ASCC3: variants seen among roughly 807,000 people sequenced by gnomAD.
ASCC3 encodes ASC-1 complex subunit P200.
In ASCC3, 158 loss-of-function variants were observed where a neutral mutation model predicts 256.3. The observed-to-expected ratio is 0.62, with a 90% CI of 0.54 to 0.70. The LOEUF (loss-of-function observed/expected upper bound fraction) is 0.70, where lower values mean the gene tolerates loss of function less well. ASCC3 is among the 30% of genes least tolerant of loss of function. ASCC3 has a pLI of 0.00. For missense variants in ASCC3, 2,259 were observed against 2,626.0 expected (o/e 0.86, Z 3.05); for synonymous variants, 948 against 883.4 (o/e 1.07, Z -1.30).
At chr6:100,531,362 G>A (rs1193233540) in intron 37 of ASCC3, among the ~76,000 whole-genome samples, 1 of 152,038 alleles carries the variant, frequency 6.6e-6, no homozygotes, top group African/African-American at 2.4e-5. Flanking sequence ...ATTATTTTGA[G>A]GTTTCCATTC....
At chr6:100,603,709 T>C (rs1321384615) in intron 33 of ASCC3, among the ~76,000 whole-genome samples, 1 of 152,120 alleles carries the variant, frequency 6.6e-6, no homozygotes, top group East Asian at 1.9e-4. Context: ...TTATATGATT[T>C]TTCTCATTTT....
chr6:100,745,104 G>A (rs975746718), intron 10 of ASCC3, among the ~76,000 whole-genome samples: 4 of 152,132 alleles, frequency 2.6e-5, no homozygotes, highest in African/African-American at 9.7e-5. Flanking sequence ...CGAGGCAGGC[G>A]GATCACAAGG....
intron 13 of ASCC3, among the ~76,000 whole-genome samples, chr6:100,684,756 T>TA (rs915306273): frequency 6.8e-6 from 1 of 146,362 alleles, no homozygotes; most frequent in Non-Finnish European, 1.5e-5. Context: ...GAACTAGGAA[T>TA]AAAAAAATCG....
intron 8 of ASCC3, among the ~76,000 whole-genome samples, chr6:100,769,187 G>C (rs73504964): frequency 0.05 from 7,540 of 152,060 alleles, 616 homozygotes; most frequent in African/African-American, 0.17. Context: ...TCGAAGTAGA[G>C]AGTATAATAG....
chr6:100,725,047 A>G (rs538325290), intron 11 of ASCC3, among the ~76,000 whole-genome samples: 119 of 152,074 alleles, frequency 7.8e-4, no homozygotes, highest in Non-Finnish European at 1.3e-3. Flanking sequence ...CTCAGGGGAT[A>G]AGTAAGTTAA....
chr6:100,798,523 T>C (rs2114335913), intron 8 of ASCC3, among the ~76,000 whole-genome samples, 190 bp downstream of exon 8: 1 of 152,212 alleles, frequency 6.6e-6, no homozygotes, highest in Admixed American at 6.6e-5. Context: ...CACACATTTG[T>C]TTAATGTATG....
At chr6:100,642,442 A>G (rs1775172270) in intron 24 of ASCC3, 139 bp downstream of exon 24, 1 of 880,464 alleles carries the variant, frequency 1.1e-6, no homozygotes, top group South Asian at 1.6e-5. Flanking sequence ...GATGAATGAC[A>G]AATGAAATAA....
chr6:100,669,850 A>G (rs1776654328), intron 14 of ASCC3, among the ~76,000 whole-genome samples: 1 of 151,888 alleles, frequency 6.6e-6, no homozygotes, highest in Non-Finnish European at 1.5e-5. Context: ...TGATGTGCCC[A>G]CCACTATCTG....
chr6:100,714,285 A>AT (rs905590706), intron 13 of ASCC3, among the ~76,000 whole-genome samples: 4 of 152,136 alleles, frequency 2.6e-5, no homozygotes, highest in African/African-American at 9.7e-5. Context: ...ATTTAGTAGG[A>AT]TTTTTTTAAT....
intron 25 of ASCC3, among the ~76,000 whole-genome samples, chr6:100,635,212 T>C (rs1774785052): frequency 6.6e-6 from 1 of 152,062 alleles, no homozygotes; most frequent in Non-Finnish European, 1.5e-5. Context: ...TATATATATA[T>C]GTGATATATA....
At chr6:100,715,085 T>C (rs2115020253) in intron 13 of ASCC3, 1 of 157,524 alleles carries the variant, frequency 6.3e-6, no homozygotes, top group South Asian at 1.9e-4. Flanking sequence ...ACAATCTTGA[T>C]GGGAGTATAT....
chr6:100,720,836 CTT>C lies in ASCC3; in HGVS notation c.1903-2587_1903-2586del, dbSNP rs200374881. On this transcript the variant is annotated intron_variant, in intron 11 of 41. Coordinates refer to ENST00000369162, the MANE Select transcript of ASCC3 (RefSeq NM_006828.4). ...ACATATATAATATATATGATATACA[CTT>C]ATATATTGATACACTATATATTTAT... is the stretch of plus-strand genomic sequence containing the variant. 0.013 allele frequency among the ~76,000 whole-genome samples: 1,914 copies of C among 147,990 alleles called. 99 individuals carry two copies. In the East Asian group the frequency reaches 0.15, roughly 11 times the overall value.
intron 37 of ASCC3, 113 bp from the exon 38 acceptor site, chr6:100,518,255 T>G: frequency 8.0e-6 from 9 of 1,123,528 alleles, no homozygotes; most frequent in Non-Finnish European, 1.0e-5. Flanking sequence ...ATTGTATCTC[T>G]AAATTACTAT....
intron 34 of ASCC3, among the ~76,000 whole-genome samples, chr6:100,591,867 T>C (rs1164075618): frequency 6.6e-6 from 1 of 151,978 alleles, no homozygotes; most frequent in African/African-American, 2.4e-5. Context: ...AATGAATAAA[T>C]TTGGTACACT....
intron 37 of ASCC3, among the ~76,000 whole-genome samples, chr6:100,532,335 CGT>C (rs3073701): frequency 0.45 from 44,743 of 99,772 alleles, 9,441 homozygotes; most frequent in South Asian, 0.59. Context: ...TGCTATCTTG[CGT>C]GTGTGTGTGT....
intron 4 of ASCC3, among the ~76,000 whole-genome samples, chr6:100,824,031 TA>T (rs1771178714): frequency 6.6e-6 from 1 of 152,084 alleles, no homozygotes; most frequent in South Asian, 2.1e-4. Context: ...AAAATCGGCT[TA>T]AAAAAGATAT....
At chr6:100,612,281 A>AAAAG (rs148778172) in intron 30 of ASCC3, among the ~76,000 whole-genome samples, 4,608 of 152,174 alleles carry the variant, frequency 0.03, 78 homozygotes, top group African/African-American at 0.055. Flanking sequence ...CGTTGGCACC[A>AAAAG]AAAGGAGGAG....
intron 3 of ASCC3, among the ~76,000 whole-genome samples, chr6:100,860,768 CAT>C (rs1028963620): frequency 6.6e-6 from 1 of 151,956 alleles, no homozygotes; most frequent in Non-Finnish European, 1.5e-5. Flanking sequence ...TATTTTAACA[CAT>C]AAAAGAGAGA....
chr6:100,578,675 C>T (rs373635924), intron 36 of ASCC3, among the ~76,000 whole-genome samples: 37 of 152,056 alleles, frequency 2.4e-4, no homozygotes, highest in Middle Eastern at 3.4e-3. Flanking sequence ...TGTTGACGGG[C>T]ATTTAGGTTG....
Sources: allele counts gnomAD v4.1 joint callset (sites outside exome capture counted in the v4.1 genomes callset), GRCh38; gene constraint gnomAD v4.1.1; transcripts MANE v1.5; gene names NCBI Gene and HGNC (gene_info 2026-07-23, HGNC 2026-07-21).